The following WAC variants were observed in gnomAD, a reference collection of about 807,000 sequenced individuals.
WAC encodes WW domain containing adaptor with coiled-coil.
A neutral mutation model predicts 79.6 loss-of-function variants in WAC; 11 were observed. The ratio of observed to expected loss-of-function variants is 0.14; its 90% confidence interval spans 0.09 to 0.23. The LOEUF is 0.23. Among genes scored for constraint, WAC ranks in the 10% least tolerant of loss-of-function variants. The pLI is 1.00. For missense variants in WAC, 728 were observed against 773.5 expected (o/e 0.94, Z 0.70); for synonymous variants, 304 against 276.9 (o/e 1.10, Z -0.97).
chr10:28,536,454 A>G (rs1324597195), intron 3 of WAC, among the ~76,000 whole-genome samples: 1 of 152,168 alleles, frequency 6.6e-6, no homozygotes, highest in Non-Finnish European at 1.5e-5. Context: ...TTCTAATTAC[A>G]ATGATAAACT....
chr10:28,605,999 A>G (rs1019237743), intron 7 of WAC, among the ~76,000 whole-genome samples: 4 of 152,042 alleles, frequency 2.6e-5, no homozygotes, highest in African/African-American at 7.2e-5. Context: ...GAATACTGCT[A>G]ATATGCTCTA....
At chr10:28,533,662 CGGCGGCGGGGGGG>C in intron 1 of WAC, 42 bp downstream of exon 1, 1 of 1,464,556 alleles carries the variant, frequency 6.8e-7, no homozygotes, top group Non-Finnish European at 9.3e-7. Flanking sequence ...CGGCGGGGGG[CGGCGGCGGGGGGG>C]CTGTTCCTCC....
intron 4 of WAC, among the ~76,000 whole-genome samples, chr10:28,587,893 A>G (rs1000324234): frequency 4.0e-5 from 6 of 150,598 alleles, no homozygotes; most frequent in African/African-American, 4.9e-5. Context: ...CAGAATGTTA[A>G]TCACTTAAAT....
At chr10:28,534,365 T>G (rs1836493350) in intron 2 of WAC, 1 of 290,520 alleles carries the variant, frequency 3.4e-6, no homozygotes, top group African/African-American at 2.2e-5. Flanking sequence ...CGAGGCTTAT[T>G]TATTTATTTA....
chr10:28,565,285 T>A (rs1429577941), intron 3 of WAC, among the ~76,000 whole-genome samples: 1 of 152,246 alleles, frequency 6.6e-6, no homozygotes, highest in Non-Finnish European at 1.5e-5. Flanking sequence ...GTACAGATTC[T>A]TGTGTGAACA....
At chr10:28,551,687 C>T (rs370634091) in intron 3 of WAC, among the ~76,000 whole-genome samples, 10 of 151,560 alleles carry the variant, frequency 6.6e-5, no homozygotes, top group East Asian at 1.9e-4. Flanking sequence ...GATATTGGAG[C>T]GAATGCTGTA....
At chr10:28,616,126 C>T (rs1162554092) in intron 11 of WAC, 47 bp from the exon 12 acceptor site, 5 of 1,426,840 alleles carry the variant, frequency 3.5e-6, no homozygotes, top group East Asian at 4.8e-5. Context: ...ATAAGGATAC[C>T]CAGAAACTAC....
At position 28,533,148 on chromosome 10, in the gene WAC, A is replaced by AGCGGCGGCACCAGCG. The variant is rs1057436474; in HGVS notation, c.-423_-409dup. ...GCCCGGATGTAGTTGGTGGAGCGGC[A>AGCGGCGGCACCAGCG]GCGGCGGCACCAGCGGCGGCGGCGG... On this transcript the variant is annotated 5_prime_UTR_variant, in exon 1 of 14. Coordinates refer to ENST00000354911, the MANE Select transcript of WAC (RefSeq NM_016628.5). The AGCGGCGGCACCAGCG allele has an allele frequency of 1.8e-5, 3 of 166,452 alleles. No homozygotes were observed. Among genetic ancestry groups the AGCGGCGGCACCAGCG allele is most frequent in the Admixed American group, 6.5e-5 (1 of 15,502 alleles). 10.3% of individuals were successfully genotyped at this position (166,452 alleles called of 1,614,324 possible).
chr10:28,539,598 G>T (rs551748700), intron 3 of WAC, among the ~76,000 whole-genome samples: 2 of 150,544 alleles, frequency 1.3e-5, no homozygotes, highest in African/African-American at 4.9e-5. Context: ...AGACAGAGTT[G>T]CCCAGGCTGG....
chr10:28,611,579 C>T, intron 9 of WAC, 195 bp from the exon 10 acceptor site: 1 of 1,252,366 alleles, frequency 8.0e-7, no homozygotes, highest in Non-Finnish European at 1.1e-6. Context: ...TACCTCTGAA[C>T]ACACAGCTCA....
intron 3 of WAC, among the ~76,000 whole-genome samples, chr10:28,549,764 C>T (rs1041807578): frequency 1.3e-5 from 2 of 152,096 alleles, no homozygotes; most frequent in Non-Finnish European, 2.9e-5. Flanking sequence ...ATTTTCTTAT[C>T]TAATGTACAT....
chr10:28,588,788 G>C (rs774119110), intron 4 of WAC: 8 of 151,854 alleles, frequency 5.3e-5, no homozygotes, highest in Non-Finnish European at 1.2e-4. Flanking sequence ...GTGATGTTTC[G>C]ATACATACAG....
At position 28,537,197 on chromosome 10, in the gene WAC, CAGT is replaced by C. The variant is rs771647153; in HGVS notation, c.274+1446_274+1448del. 5.3e-5 allele frequency among the ~76,000 whole-genome samples: 8 copies of C among 152,170 alleles called. No homozygotes were observed. The East Asian group carries it at 7.7e-4, about 15-fold the overall frequency. On this transcript the variant is annotated intron_variant, in intron 3 of 13. Transcript: ENST00000354911. ...ATGCAGATAAACCACATTTTTGTAA[CAGT>C]AGTAGCAGGTGTATTTGATTATTAA...
At chr10:28,552,897 T>C (rs1247493829) in intron 3 of WAC, among the ~76,000 whole-genome samples, 1 of 148,700 alleles carries the variant, frequency 6.7e-6, no homozygotes, top group Non-Finnish European at 1.5e-5. Flanking sequence ...CAAGGTTGAA[T>C]TTGATAATCT....
At chr10:28,533,655 C>CGGG in intron 1 of WAC, 35 bp downstream of exon 1, 1 of 1,203,834 alleles carries the variant, frequency 8.3e-7, no homozygotes, top group Non-Finnish European at 1.2e-6. Flanking sequence ...CGGGCGGCGG[C>CGGG]GGGGGGCGGC....
At chr10:28,593,970 G>T (rs749080498) in intron 6 of WAC, among the ~76,000 whole-genome samples, 1 of 152,018 alleles carries the variant, frequency 6.6e-6, no homozygotes, top group African/African-American at 2.4e-5. Context: ...CTGTTTTGTA[G>T]GTTGTTGAGC....
At chr10:28,566,300 G>C (rs1034251465) in intron 3 of WAC, among the ~76,000 whole-genome samples, 5 of 152,160 alleles carry the variant, frequency 3.3e-5, no homozygotes, top group Non-Finnish European at 1.5e-5. Flanking sequence ...GGTGGGGCAA[G>C]TGTTGACTGT....
chr10:28,565,646 C>T (rs1589163251), intron 3 of WAC, among the ~76,000 whole-genome samples: 1 of 152,176 alleles, frequency 6.6e-6, no homozygotes, highest in Non-Finnish European at 1.5e-5. Flanking sequence ...GTTGTCTTCT[C>T]ATTACATTTT....
chr10:28,563,920 A>G (rs1838449513), intron 3 of WAC, among the ~76,000 whole-genome samples: 2 of 151,938 alleles, frequency 1.3e-5, no homozygotes, highest in Middle Eastern at 3.4e-3. Flanking sequence ...ATTTTTAACA[A>G]GAATTATAGT....
Sources: allele counts gnomAD v4.1 joint callset (sites outside exome capture counted in the v4.1 genomes callset), GRCh38; gene constraint gnomAD v4.1.1; transcripts MANE v1.5; gene names NCBI Gene and HGNC (gene_info 2026-07-23, HGNC 2026-07-21).